Variants in RBM17 observed in about 807,000 individuals in gnomAD.
RBM17 encodes the protein splicing factor 45.
A neutral mutation model predicts 53.2 loss-of-function variants in RBM17; 7 were observed. The observed-to-expected ratio is 0.13, with a 90% CI of 0.07 to 0.25. RBM17 has a LOEUF of 0.25. RBM17 is among the 10% of genes least tolerant of loss of function. RBM17 has a pLI of 1.00. For synonymous variants in RBM17, 167 were observed against 178.1 expected, an observed-to-expected ratio of 0.94 and a Z score of 0.50; for missense variants, 257 against 496.7, an observed-to-expected ratio of 0.52 and a Z score of 4.59.
At position 6,103,527 on chromosome 10, in the gene RBM17, TGAAAA is replaced by T. The variant is rs1312320139; in HGVS notation, c.241-1399_241-1395del. ...TGTCATTTTCTCTCTAAATAATAAC[TGAAAA>T]GAAATCTTCATGTGCTTTTGTATTT... is the stretch of plus-strand genomic sequence containing the variant. On this transcript the variant is annotated intron_variant, in intron 3 of 11. Transcript: ENST00000379888. 3.5e-4 allele frequency among the ~76,000 whole-genome samples: 54 copies of T among 152,204 alleles called. 1 individual carries two copies. The highest frequency in any genetic ancestry group is 3.4e-3 in the Admixed American group (52 of 15,280).
intron 1 of RBM17, among the ~76,000 whole-genome samples, chr10:6,094,361 A>T (rs1376598655): frequency 6.6e-6 from 1 of 152,162 alleles, no homozygotes; most frequent in Non-Finnish European, 1.5e-5. Flanking sequence ...CATACTGGAG[A>T]TAGTCTGTAT....
In RBM17 at chr10:6,112,900, GTCTGTTC is replaced by G. The variant is rs1214696668; in HGVS notation, c.856+541_856+547del. 1 of 179,624 alleles carries G rather than the reference GTCTGTTC, an allele frequency of 5.6e-6. No homozygotes were observed. The highest frequency in any genetic ancestry group is 2.4e-5 in the African/African-American group (1 of 41,980). 11.1% of individuals were successfully genotyped at this position (179,624 alleles called of 1,614,324 possible). On this transcript the variant is annotated intron_variant, in intron 8 of 11. Transcript: ENST00000379888. The surrounding 1 kb of genome is among the most constrained non-coding windows in gnomAD (Gnocchi z 4.4). ...GTTTTATTTTCATTTAATTTTTACAGTCTGTTCTGTGTTGAGGGAATTCAGGAAAGAG... is the reference window on the plus strand; with the variant it reads ...GTTTTATTTTCATTTAATTTTTACAGTGTGTTGAGGGAATTCAGGAAAGAG...
chr10:6,108,640 C>T (rs1840790897), intron 5 of RBM17, 46 bp from the exon 6 acceptor site: 1 of 1,516,014 alleles, frequency 6.6e-7, no homozygotes, highest in African/African-American at 1.4e-5. Context: ...GTTTGGGAGT[C>T]TGGCATCGGA....
chr10:6,097,315 G>A, intron 2 of RBM17, 127 bp downstream of exon 2: 1 of 950,026 alleles, frequency 1.1e-6, no homozygotes, highest in Non-Finnish European at 1.6e-6. Flanking sequence ...AGCATTTGTA[G>A]GGGGAGAGGA....
rs890179202 is a variant in RBM17 at position 6,106,214 on chromosome 10, T to G, written c.481T>G (p.Tyr161Asp). ...TCCAGATTCTGATGAAGATGAAGAT[T>G]ATGAGCGAGAGAGGAGGAAAAGAAG... Reference protein sequence around the residue: ...PDPDSDEDEDYERERRKRSMG... With the variant: ...PDPDSDEDEDDERERRKRSMG... Residue 161 changes from tyrosine to aspartate, a missense_variant, in exon 5 of 12, where the codon TAT (tyrosine) becomes GAT (aspartate). Physicochemically the swap from Tyr to Asp is radical, Grantham distance 160 (BLOSUM62 -3). Coordinates refer to ENST00000379888, the MANE Select transcript of RBM17 (RefSeq NM_032905.5). The G allele has an allele frequency of 1.9e-6, 3 of 1,613,136 alleles. No individual in the cohort carries two copies. The highest frequency in any genetic ancestry group is 2.5e-6 in the Non-Finnish European group (3 of 1,179,148).
At chr10:6,114,967 T>C (rs1483853944) in intron 10 of RBM17, 1 of 398,758 alleles carries the variant, frequency 2.5e-6, no homozygotes, top group Non-Finnish European at 4.5e-6. Flanking sequence ...CACATAATTA[T>C]TTGTTTACGT....
At chr10:6,090,081 AG>A (rs1418730279) in intron 1 of RBM17, 4 of 152,344 alleles carry the variant, frequency 2.6e-5, no homozygotes, top group African/African-American at 9.6e-5. Context: ...CAGGTTAGGC[AG>A]AAAGAAAGGT....
chr10:6,098,820 T>C (rs2132942625), intron 2 of RBM17, among the ~76,000 whole-genome samples: 1 of 152,274 alleles, frequency 6.6e-6, no homozygotes, highest in Non-Finnish European at 1.5e-5. Context: ...AGTGCTGGGA[T>C]TACAGGCGTG....
intron 2 of RBM17, among the ~76,000 whole-genome samples, chr10:6,097,681 A>G (rs1279815656): frequency 6.7e-6 from 1 of 150,226 alleles, no homozygotes; most frequent in Non-Finnish European, 1.5e-5. Context: ...AAAAACAAAC[A>G]AACAAACAAA....
chr10:6,101,368 A>C lies in RBM17; in HGVS notation c.221A>C (p.His74Pro). Residue 74 changes from histidine (H) to proline (P), a missense_variant, in exon 3 of 12, where the codon CAT becomes CCT. His to Pro is a moderately conservative substitution (Grantham distance 77). Transcript: ENST00000379888. ...DDRQIVDTPP[H>P]VAAGLKDPVP... is the part of the protein sequence containing the mutation. ...CGGCAAATTGTGGACACTCCACCGC[A>C]TGTAGCAGCTGGGCTGAAGGTAAGC... The C allele has an allele frequency of 6.2e-7, 1 of 1,612,364 alleles. No homozygotes were observed. Among genetic ancestry groups the C allele is most frequent in the Non-Finnish European group, 8.5e-7 (1 of 1,179,174 alleles).
At chr10:6,113,401 C>A in intron 8 of RBM17, 107 bp from the exon 9 acceptor site, 1 of 734,794 alleles carries the variant, frequency 1.4e-6, no homozygotes, top group Admixed American at 2.2e-5. Flanking sequence ...TGGTGGGGAT[C>A]GCTATTGAAA....
At chr10:6,113,440 G>A (rs528550000) in intron 8 of RBM17, 68 bp from the exon 9 acceptor site, 27 of 1,066,774 alleles carry the variant, frequency 2.5e-5, no homozygotes, top group African/African-American at 1.9e-4. Flanking sequence ...GTAGGACTCA[G>A]TTCTGTAACA....
chr10:6,094,864 G>A (rs1325739087), intron 1 of RBM17, among the ~76,000 whole-genome samples: 2 of 152,208 alleles, frequency 1.3e-5, no homozygotes, highest in African/African-American at 4.8e-5. Flanking sequence ...CGCAAATGGA[G>A]TATAAACTGC....
At chr10:6,110,371 G>A (rs1156970812) in intron 7 of RBM17, among the ~76,000 whole-genome samples, 1 of 152,106 alleles carries the variant, frequency 6.6e-6, no homozygotes, top group Non-Finnish European at 1.5e-5. Context: ...TCCTAGACAG[G>A]CACAGAACCT....
At chr10:6,097,329 A>G (rs1588344020) in intron 2 of RBM17, 141 bp downstream of exon 2, 12 of 801,800 alleles carry the variant, frequency 1.5e-5, no homozygotes. Context: ...GAGAGGAATG[A>G]GGAGTTTAAG....
Position 6,104,333 on chromosome 10 carries a change from T to TA in RBM17, c.241-590dup, listed in dbSNP as rs747477928. 1.1e-3 allele frequency among the ~76,000 whole-genome samples: 166 copies of TA among 152,140 alleles called. 2 individuals are homozygous for TA. Among genetic ancestry groups the TA allele is most frequent in the East Asian group, 1.2e-3 (6 of 5,190 alleles). On this transcript the variant is annotated intron_variant, in intron 3 of 11. Coordinates refer to ENST00000379888, the MANE Select transcript of RBM17 (RefSeq NM_032905.5). ...ATCTAAACCTGATTTTAGTGAACCTTAAAAAAAATTATGATGCTGGAAGGG... is the reference window on the plus strand; with the variant it reads ...ATCTAAACCTGATTTTAGTGAACCTTAAAAAAAAATTATGATGCTGGAAGGG...
chr10:6,107,858 GTTT>G (rs1431875269), intron 5 of RBM17, among the ~76,000 whole-genome samples: 1 of 151,968 alleles, frequency 6.6e-6, no homozygotes, highest in African/African-American at 2.4e-5. Flanking sequence ...TTTACATTTT[GTTT>G]TTATTTCATT....
At chr10:6,106,378 A>C in intron 5 of RBM17, 140 bp downstream of exon 5, 1 of 610,498 alleles carries the variant, frequency 1.6e-6, no homozygotes, top group South Asian at 2.1e-5. Flanking sequence ...CCAGCAATAC[A>C]CATTTGCGTC....
At chr10:6,093,206 GC>G (rs1840515055) in intron 1 of RBM17, among the ~76,000 whole-genome samples, 1 of 152,002 alleles carries the variant, frequency 6.6e-6, no homozygotes, top group Admixed American at 6.6e-5. Flanking sequence ...CTGCCTCTTT[GC>G]CTATTTATTT....
Sources: gnomAD v4.1 joint callset for allele counts (sites outside exome capture counted in the v4.1 genomes callset) on GRCh38, gnomAD v4.1.1 for gene constraint, Gnocchi (gnomAD v3.1) non-coding constraint, MANE v1.5 for transcripts, NCBI Gene and HGNC (gene_info 2026-07-23, HGNC 2026-07-21) for gene names.